The following DENND3 variants were observed in gnomAD, a reference collection of about 807,000 sequenced individuals.
The protein encoded by DENND3 is DENN domain containing 3.
In DENND3, 88 loss-of-function variants were observed where a neutral mutation model predicts 135.1. The ratio of observed to expected loss-of-function variants is 0.65; its 90% CI spans 0.55 to 0.78. The LOEUF is 0.78. Ranked by LOEUF, DENND3 falls within the 30% of genes least tolerant of loss-of-function variation. The probability of loss-of-function intolerance (pLI) is 0.00; values close to 1 mark genes in which losing one functional copy is unlikely to be tolerated. For synonymous variants in DENND3, 693 were observed against 712.3 expected (o/e 0.97, Z 0.43); for missense variants, 1,392 against 1,688.4 (o/e 0.82, Z 3.08).
In DENND3 at chr8:141,141,254, T is replaced by G; in HGVS notation, c.553T>G (p.Phe185Val). 6.2e-7 allele frequency: 1 copy of G among 1,614,238 alleles called. No individual in the cohort carries two copies. Among genetic ancestry groups the G allele is most frequent in the Non-Finnish European group, 8.5e-7 (1 of 1,180,042 alleles). The change falls in exon 4 of 23, where the codon TTC (phenylalanine) becomes GTC (valine). Residue 185 changes from phenylalanine to valine, a missense_variant. By Grantham distance (50) the Phe-to-Val change is conservative. Coordinates refer to ENST00000519811, the MANE Select transcript of DENND3 (RefSeq NM_001352890.3). This position sits in a 1 kb window ranked among gnomAD's most constrained non-coding sequence, Gnocchi z 5.3. The stretch of plus-strand genomic sequence containing the variant: ...AACGCACCGGGAGTGTCCTGGCTGC[T>G]TCGTGCCCTTCGCGGTGTGCGTGGT... ...GKTHRECPGC[F>V]VPFAVCVVSR...
At chr8:141,185,861 A>T (rs1016895018) in intron 18 of DENND3, among the ~76,000 whole-genome samples, 1 of 151,778 alleles carries the variant, frequency 6.6e-6, no homozygotes, top group South Asian at 2.1e-4. Flanking sequence ...AATAATAAAA[A>T]TCGACGTCAG....
chr8:141,172,039 G>A (rs914747270), intron 13 of DENND3, among the ~76,000 whole-genome samples: 1 of 151,006 alleles, frequency 6.6e-6, no homozygotes, highest in African/African-American at 2.5e-5. Context: ...GGTGTGCACA[G>A]TGTCTTGGGT....
chr8:141,180,945 G>A, intron 17 of DENND3, 91 bp downstream of exon 17: 1 of 1,012,320 alleles, frequency 9.9e-7, no homozygotes, highest in Non-Finnish European at 1.4e-6. Context: ...AAGTGAAAGG[G>A]GAGCCAGTGT....
rs1816962048 is a variant in DENND3, at chr8:141,137,895, T to C, written c.386-127T>C. 3 of 882,184 alleles carry C rather than the reference T, an allele frequency of 3.4e-6. No individual in the cohort carries two copies. Among genetic ancestry groups the C allele is most frequent in the Middle Eastern group, 5.7e-4 (2 of 3,504 alleles). 54.6% of individuals were successfully genotyped at this position (882,184 alleles called of 1,614,324 possible). A position where few individuals can be genotyped will look rare whatever the true frequency, so the allele number is the denominator to read the frequency against. On this transcript the variant is annotated intron_variant, in intron 2 of 22. Coordinates refer to ENST00000519811, the MANE Select transcript of DENND3 (RefSeq NM_001352890.3). This position sits in a 1 kb window ranked among gnomAD's most constrained non-coding sequence, Gnocchi z 4.1. ...CGTGATCGGAAGAATGAACCCGCCT[T>C]GGACATGAAGGCACCACCACTGCTA...
intron 1 of DENND3, among the ~76,000 whole-genome samples, chr8:141,133,766 C>T (rs1372036667): frequency 1.3e-5 from 2 of 152,184 alleles, no homozygotes; most frequent in African/African-American, 2.4e-5. Flanking sequence ...CCGAACTGCA[C>T]TGTGTTTGTT....
chr8:141,160,470 G>A (rs1407907455), intron 8 of DENND3, among the ~76,000 whole-genome samples, 162 bp from the exon 9 acceptor site: 1 of 152,192 alleles, frequency 6.6e-6, no homozygotes, highest in Non-Finnish European at 1.5e-5. Flanking sequence ...GTGAGCCACC[G>A]CGTCCAGCCC....
chr8:141,142,103 G>C (rs182209369), intron 4 of DENND3: 2 of 309,656 alleles, frequency 6.5e-6, no homozygotes, highest in Admixed American at 9.6e-5. Flanking sequence ...GGCTGAGGAC[G>C]TAAAGAACTT....
chr8:141,161,217 G>T (rs1820095443), intron 9 of DENND3, among the ~76,000 whole-genome samples: 1 of 152,238 alleles, frequency 6.6e-6, no homozygotes, highest in South Asian at 2.1e-4. Flanking sequence ...TCCGTGGAGG[G>T]CTCTGTCCCG....
intron 17 of DENND3, among the ~76,000 whole-genome samples, chr8:141,184,175 C>G (rs1271001409): frequency 6.6e-6 from 1 of 152,226 alleles, no homozygotes; most frequent in Non-Finnish European, 1.5e-5. Context: ...AAGCTGCAGA[C>G]TGGGAAGGAT....
rs1823728729 is a variant in DENND3 at position 141,185,148 on chromosome 8, A to G, written c.2954A>G (p.Asp985Gly). Residue 985 changes from aspartate to glycine, a missense_variant, in exon 18 of 23, where the codon GAC becomes GGC. By Grantham distance (94) the Asp-to-Gly change is moderately conservative. Coordinates refer to ENST00000519811, the MANE Select transcript of DENND3 (RefSeq NM_001352890.3). ...CTGCTCTCCTCTTTAGGGCATCTTG[A>G]CCCAGCCGAAAAAGTTGAAGATGCT... ...DVLLYTPGHL[D>G]PAEKVEDAHP... is the part of the protein sequence containing the mutation. 1 of 1,613,668 alleles carries G rather than the reference A, an allele frequency of 6.2e-7. No homozygotes were observed. The highest frequency in any genetic ancestry group is 1.1e-5 in the South Asian group (1 of 91,060).
At chr8:141,153,426 TAGA>T (rs1214780841) in intron 7 of DENND3, among the ~76,000 whole-genome samples, 59 of 152,320 alleles carry the variant, frequency 3.9e-4, no homozygotes, top group African/African-American at 1.4e-3. Flanking sequence ...TGCACAAAAA[TAGA>T]AGAACACAGC....
chr8:141,193,023 C>T (rs71516606), intron 22 of DENND3: 101,329 of 665,786 alleles, frequency 0.15, 9,066 homozygotes, highest in Non-Finnish European at 0.17. Flanking sequence ...TTCTCTCCCC[C>T]ACCCGCTCAT....
intron 17 of DENND3, among the ~76,000 whole-genome samples, chr8:141,181,056 G>A (rs1415736719): frequency 1.3e-5 from 2 of 152,224 alleles, no homozygotes; most frequent in Non-Finnish European, 2.9e-5. Flanking sequence ...CAGCCTCACG[G>A]TGACTGGAGC....
chr8:141,158,702 C>A (rs978873291), intron 8 of DENND3, among the ~76,000 whole-genome samples: 2 of 152,192 alleles, frequency 1.3e-5, no homozygotes, highest in African/African-American at 4.8e-5. Context: ...AGGGACGGGG[C>A]AGCCCCCTCC....
chr8:141,143,379 G>A (rs572778458), intron 4 of DENND3, among the ~76,000 whole-genome samples: 19 of 152,184 alleles, frequency 1.2e-4, no homozygotes, highest in South Asian at 6.2e-4. Flanking sequence ...CCATTAACTC[G>A]TCATTTACAT....
In DENND3 at chr8:141,141,051, C is replaced by A; in HGVS notation, c.502-152C>A. On this transcript the variant is annotated intron_variant, in intron 3 of 22. Coordinates refer to ENST00000519811, the MANE Select transcript of DENND3 (RefSeq NM_001352890.3). This position sits in a 1 kb window ranked among gnomAD's most constrained non-coding sequence, Gnocchi z 5.3. ...CACCAAATAGGGACCCCGTAGACTT[C>A]GACCGGAGGGCCGGTGCTGGCTTGG... 1 of 1,213,464 alleles carries A rather than the reference C, an allele frequency of 8.2e-7. No homozygotes were observed. Among genetic ancestry groups the A allele is most frequent in the Non-Finnish European group, 1.2e-6 (1 of 856,320 alleles). The allele number at this position is 1,213,464 out of a possible 1,614,324, so 75.2% of individuals were successfully genotyped here. A position where few individuals can be genotyped will look rare whatever the true frequency, so the allele number is the denominator to read the frequency against.
At chr8:141,180,373 T>TA (rs1822935405) in intron 16 of DENND3, among the ~76,000 whole-genome samples, 1 of 152,202 alleles carries the variant, frequency 6.6e-6, no homozygotes, top group Non-Finnish European at 1.5e-5. Context: ...AGGAGAATTT[T>TA]ATATCTCCGC....
intron 17 of DENND3, among the ~76,000 whole-genome samples, chr8:141,181,859 A>G (rs1175305025): frequency 1.3e-5 from 2 of 151,932 alleles, no homozygotes; most frequent in Non-Finnish European, 2.9e-5. Flanking sequence ...TGCAGCCTCA[A>G]CCTCCTGGAT....
chr8:141,143,991 C>T, intron 4 of DENND3, 157 bp from the exon 5 acceptor site: 1 of 606,126 alleles, frequency 1.6e-6, no homozygotes. Flanking sequence ...GGCCACTCTG[C>T]TGTCACCCAG....
Sources: allele counts gnomAD v4.1 joint callset (sites outside exome capture counted in the v4.1 genomes callset), GRCh38; gene constraint gnomAD v4.1.1; non-coding constraint Gnocchi (gnomAD v3.1); transcripts MANE v1.5; gene names NCBI Gene and HGNC (gene_info 2026-07-23, HGNC 2026-07-21).